The following PRRG4 variants were observed in gnomAD, a reference collection of about 807,000 sequenced individuals.
PRRG4 encodes proline rich and Gla domain 4.
In PRRG4, 12 loss-of-function variants were observed where a neutral mutation model predicts 20.0. The ratio of observed to expected loss-of-function variants is 0.60; its 90% CI spans 0.38 to 0.97. PRRG4 has a LOEUF of 0.97. PRRG4 is among the 50% of genes least tolerant of loss of function. The pLI is 0.00. For synonymous variants in PRRG4, 94 were observed against 96.4 expected, an observed-to-expected ratio of 0.98 and a Z score of 0.15; for missense variants, 199 against 265.1, an observed-to-expected ratio of 0.75 and a Z score of 1.73.
chr11:32,844,501 T>C (rs1444886845), intron 5 of PRRG4, among the ~76,000 whole-genome samples: 1 of 133,470 alleles, frequency 7.5e-6, no homozygotes, highest in Admixed American at 7.5e-5. Context: ...TTATTATTAT[T>C]ATTATTATTA....
Position 32,857,523 on chromosome 11 carries a change from G to A in PRRG4, c.*3996G>A, listed in dbSNP as rs1021306495. On this transcript the variant is annotated 3_prime_UTR_variant, in exon 6 of 6. Transcript: ENST00000257836. ...ACTCTCAGAACAATTAAAACCTGCA[G>A]AGCAACAGTGTCCTCCATGTCTTAG... The A allele has an allele frequency of 6.6e-6, 1 of 152,202 alleles. No individual in the cohort carries two copies. The highest frequency in any genetic ancestry group is 1.5e-5 in the Non-Finnish European group (1 of 68,040). The allele number at this position is 152,202 out of a possible 1,614,324, so 9.4% of individuals were successfully genotyped here. A position where few individuals can be genotyped will look rare whatever the true frequency, so the allele number is the denominator to read the frequency against.
At chr11:32,830,243 G>T in intron 1 of PRRG4, 70 bp downstream of exon 1, 1 of 1,071,392 alleles carries the variant, frequency 9.3e-7, no homozygotes, top group Non-Finnish European at 1.2e-6. Context: ...GGCGGACTGG[G>T]TTGGATTCGA....
intron 3 of PRRG4, among the ~76,000 whole-genome samples, chr11:32,837,622 A>G (rs1565113967): frequency 6.7e-6 from 1 of 150,260 alleles, no homozygotes; most frequent in Non-Finnish European, 1.5e-5. Context: ...CAGTGGAGCA[A>G]TCTCGGCTCA....
At chr11:32,838,972 C>G (rs778534467) in intron 4 of PRRG4, 42 bp downstream of exon 4, 3 of 1,407,584 alleles carry the variant, frequency 2.1e-6, no homozygotes, top group Non-Finnish European at 3.0e-6. Context: ...TTCTCATCCT[C>G]TCTCTGTTGT....
At position 32,836,882 on chromosome 11, in the gene PRRG4, C is replaced by T. The variant is rs1428728395; in HGVS notation, c.267+61C>T. 2.2e-6 allele frequency: 3 copies of T among 1,389,232 alleles called. No homozygotes were observed. In the African/African-American group the frequency reaches 4.3e-5, roughly 20 times the overall value. 86.1% of individuals were successfully genotyped at this position (1,389,232 alleles called of 1,614,324 possible). On this transcript the variant is annotated intron_variant, in intron 3 of 5. Coordinates refer to ENST00000257836, the MANE Select transcript of PRRG4 (RefSeq NM_024081.6). ...TTAAATTGTACTTAAGAAAGTGGCA[C>T]TTTCAGTTATTAGAGATTTTATGCC...
intron 2 of PRRG4, among the ~76,000 whole-genome samples, chr11:32,834,988 AT>A (rs1851007957): frequency 6.6e-6 from 1 of 151,882 alleles, no homozygotes; most frequent in Non-Finnish European, 1.5e-5. Flanking sequence ...TAATTTTTGT[AT>A]TTTTTGTAGA....
rs545475389 is a variant in PRRG4 at position 32,831,013 on chromosome 11, C to T, written c.103+381C>T. 9.3e-4 allele frequency among the ~76,000 whole-genome samples: 141 copies of T among 152,194 alleles called. 1 individual carries two copies. Among genetic ancestry groups the T allele is most frequent in the South Asian group, 3.7e-3 (18 of 4,824 alleles). ...GAGTCCAGGATCTAGTCTGGACTTG[C>T]GAGACCCTGGGCGAGATAACTTAAT... On this transcript the variant is annotated intron_variant, in intron 2 of 5. Transcript: ENST00000257836.
At chr11:32,841,834 A>G (rs1478655200) in intron 5 of PRRG4, among the ~76,000 whole-genome samples, 1 of 152,182 alleles carries the variant, frequency 6.6e-6, no homozygotes, top group African/African-American at 2.4e-5. Context: ...AAATTTGGAT[A>G]TAGCTACATG....
At chr11:32,841,292 C>T (rs1054822870) in intron 5 of PRRG4, among the ~76,000 whole-genome samples, 9 of 152,096 alleles carry the variant, frequency 5.9e-5, no homozygotes, top group Non-Finnish European at 1.0e-4. Context: ...TTAGAAGACT[C>T]TTTGTCTTCT....
chr11:32,853,979 A>G lies in PRRG4; in HGVS notation c.*452A>G. 5.7e-6 allele frequency: 1 copy of G among 174,772 alleles called. No homozygotes were observed. The highest frequency in any genetic ancestry group is 1.5e-4 in the East Asian group (1 of 6,476). 10.8% of individuals were successfully genotyped at this position (174,772 alleles called of 1,614,324 possible). Reference sequence around the variant, plus strand: ...CAACTTTTTATGACAAACTGCAAGGAATAAAGGAAGAATAAGTCCATGTAC... The same window carrying G: ...CAACTTTTTATGACAAACTGCAAGGGATAAAGGAAGAATAAGTCCATGTAC... On this transcript the variant is annotated 3_prime_UTR_variant, in exon 6 of 6. Coordinates refer to ENST00000257836, the MANE Select transcript of PRRG4 (RefSeq NM_024081.6).
At position 32,830,559 on chromosome 11, in the gene PRRG4, A is replaced by G. The variant is rs1311146487; in HGVS notation, c.30A>G (p.Gln10=). MFTLLVLLS[Q]LPTVTLGFPH... is the part of the protein sequence containing the mutation. ...TTACGCTTCTGGTTCTACTCAGCCA[A>G]CTGCCCACAGTTACCCTGGGGTTTC... Residue 10 remains glutamine, a synonymous_variant, in exon 2 of 6, where the codon CAA becomes CAG. Transcript: ENST00000257836. The G allele has an allele frequency of 1.2e-6, 2 of 1,603,934 alleles. No individual in the cohort carries two copies. The highest frequency in any genetic ancestry group is 1.1e-5 in the South Asian group (1 of 89,010).
rs1173321775 is a variant in PRRG4, at chr11:32,854,325, G to A, written c.*798G>A. On this transcript the variant is annotated 3_prime_UTR_variant, in exon 6 of 6. Transcript: ENST00000257836. ...AATCCCAGCACTTTGGGAGGGATAG[G>A]TGGGCGGATCACCTGAGGTCAGGAG... The A allele has an allele frequency of 6.6e-6, 1 of 152,202 alleles. No individual in the cohort carries two copies. The highest frequency in any genetic ancestry group is 1.9e-4 in the East Asian group (1 of 5,190). The allele number at this position is 152,202 out of a possible 1,614,324, so 9.4% of individuals were successfully genotyped here.
At chr11:32,848,918 G>A (rs1401795327) in intron 5 of PRRG4, among the ~76,000 whole-genome samples, 4 of 151,488 alleles carry the variant, frequency 2.6e-5, no homozygotes, top group African/African-American at 9.7e-5. Flanking sequence ...GCTGCAGTGA[G>A]CCGAGATGGC....
At chr11:32,841,676 G>T (rs887342612) in intron 5 of PRRG4, among the ~76,000 whole-genome samples, 8 of 152,028 alleles carry the variant, frequency 5.3e-5, no homozygotes, top group Non-Finnish European at 7.4e-5. Context: ...TGGGCACGGT[G>T]GCCTGAGGCT....
chr11:32,837,116 G>C (rs1473783358), intron 3 of PRRG4, among the ~76,000 whole-genome samples: 2 of 152,092 alleles, frequency 1.3e-5, no homozygotes, highest in Non-Finnish European at 2.9e-5. Flanking sequence ...TTTGTGGTTA[G>C]TGCTCTAACT....
chr11:32,837,507 A>AGATGATGAT (rs145836180), intron 3 of PRRG4, among the ~76,000 whole-genome samples: 230 of 134,700 alleles, frequency 1.7e-3, no homozygotes, highest in African/African-American at 4.8e-3. Flanking sequence ...TAACTAACTG[A>AGATGATGAT]GATGATGATG....
At chr11:32,832,542 G>C (rs1009517708) in intron 2 of PRRG4, among the ~76,000 whole-genome samples, 2 of 146,290 alleles carry the variant, frequency 1.4e-5, no homozygotes, top group East Asian at 4.1e-4. Context: ...GTGCAGTGGC[G>C]TGATCACGGC....
intron 5 of PRRG4, among the ~76,000 whole-genome samples, chr11:32,841,265 A>G (rs1851075665): frequency 6.6e-6 from 1 of 152,224 alleles, no homozygotes; most frequent in African/African-American, 2.4e-5. Context: ...AATAGAAAGT[A>G]TTCTTTATCA....
In PRRG4 at chr11:32,829,935, G is replaced by A. The variant is rs1850946165; in HGVS notation, c.-261G>A. ...AGCCGCCTCCTCCCGTCCTCCGTCGGCCGCCTCCCCGGACCGAGGCAGGAC... is the reference window on the plus strand; with the variant it reads ...AGCCGCCTCCTCCCGTCCTCCGTCGACCGCCTCCCCGGACCGAGGCAGGAC... On this transcript the variant is annotated 5_prime_UTR_variant, in exon 1 of 6. Coordinates refer to ENST00000257836, the MANE Select transcript of PRRG4 (RefSeq NM_024081.6). 2 of 985,442 alleles carry A rather than the reference G, an allele frequency of 2.0e-6. No homozygotes were observed. The highest frequency in any genetic ancestry group is 4.7e-5 in the South Asian group (1 of 21,292). The allele number at this position is 985,442 out of a possible 1,614,324, so 61.0% of individuals were successfully genotyped here.
Sources: gnomAD v4.1 joint callset for allele counts (sites outside exome capture counted in the v4.1 genomes callset) on GRCh38, gnomAD v4.1.1 for gene constraint, MANE v1.5 for transcripts, NCBI Gene and HGNC (gene_info 2026-07-23, HGNC 2026-07-21) for gene names.